Variants in GRID2 observed in about 807,000 individuals in gnomAD.
GRID2 encodes the protein glutamate receptor ionotropic, delta-2.
Under a neutral mutation model 114.8 loss-of-function variants are expected in GRID2, and 33 were observed. The observed-to-expected ratio is 0.29, with a 90% CI of 0.22 to 0.38. GRID2 has a LOEUF of 0.38. GRID2 is among the 10% of genes least tolerant of loss of function. The probability of loss-of-function intolerance (pLI) is 1.00; values close to 1 mark genes in which losing one functional copy is unlikely to be tolerated. For missense variants in GRID2, 1,184 were observed against 1,257.7 expected (o/e 0.94, Z 0.89); for synonymous variants, 505 against 449.9 (o/e 1.12, Z -1.55).
intron 8 of GRID2, among the ~76,000 whole-genome samples, chr4:93,344,991 G>A (rs898163592): frequency 6.7e-6 from 1 of 148,646 alleles, no homozygotes; most frequent in Non-Finnish European, 1.5e-5. Flanking sequence ...TCTAGTGTGT[G>A]TGTGTGTGTG....
At chr4:92,733,092 C>T (rs907911159) in intron 2 of GRID2, among the ~76,000 whole-genome samples, 1 of 152,020 alleles carries the variant, frequency 6.6e-6, no homozygotes, top group African/African-American at 2.4e-5. Flanking sequence ...GTCTTCCTCT[C>T]TCTCTCTCTC....
intron 14 of GRID2, among the ~76,000 whole-genome samples, chr4:93,728,766 T>C (rs1229084731): frequency 6.6e-6 from 1 of 152,124 alleles, no homozygotes; most frequent in Non-Finnish European, 1.5e-5. Flanking sequence ...CTTTTGATCT[T>C]TGTTGGTTTA....
intron 1 of GRID2, among the ~76,000 whole-genome samples, chr4:92,447,840 C>T (rs947257207): frequency 1.3e-5 from 2 of 152,164 alleles, no homozygotes; most frequent in Non-Finnish European, 2.9e-5. Flanking sequence ...GACCTAATAA[C>T]CTTCCAAAGG....
intron 14 of GRID2, among the ~76,000 whole-genome samples, chr4:93,731,952 T>A (rs1730518220): frequency 6.6e-6 from 1 of 152,182 alleles, no homozygotes; most frequent in East Asian, 1.9e-4. Context: ...CCAGCAAGGA[T>A]AGGATCTCTT....
intron 13 of GRID2, among the ~76,000 whole-genome samples, chr4:93,542,820 T>G (rs1185466425): frequency 1.3e-5 from 2 of 152,078 alleles, no homozygotes; most frequent in South Asian, 2.1e-4. Flanking sequence ...CCATTTTCCT[T>G]CTTCTGGTAA....
At chr4:92,676,402 G>A (rs1032949505) in intron 2 of GRID2, among the ~76,000 whole-genome samples, 1 of 151,626 alleles carries the variant, frequency 6.6e-6, no homozygotes, top group African/African-American at 2.4e-5. Context: ...GGATGGTCTC[G>A]ATCTTCTGAC....
At chr4:92,897,346 C>G (rs1747245372) in intron 2 of GRID2, among the ~76,000 whole-genome samples, 1 of 151,996 alleles carries the variant, frequency 6.6e-6, no homozygotes, top group African/African-American at 2.4e-5. Flanking sequence ...GATTTTAAGC[C>G]TGTGATTTTG....
chr4:93,140,404 T>C (rs980487018), intron 4 of GRID2, among the ~76,000 whole-genome samples: 2 of 152,118 alleles, frequency 1.3e-5, no homozygotes, highest in Non-Finnish European at 2.9e-5. Context: ...CTGATCCGCC[T>C]GCCTAGGCCT....
chr4:93,143,408 G>A (rs1735932991), intron 4 of GRID2, among the ~76,000 whole-genome samples: 1 of 152,114 alleles, frequency 6.6e-6, no homozygotes, highest in South Asian at 2.1e-4. Context: ...TGCCACTTAT[G>A]TTATCATCTT....
chr4:92,564,852 AT>A (rs1222188584), intron 1 of GRID2, among the ~76,000 whole-genome samples: 10 of 152,092 alleles, frequency 6.6e-5, no homozygotes, highest in Middle Eastern at 6.8e-3. Flanking sequence ...GGCCAAATAT[AT>A]TTTTTTCTTT....
intron 2 of GRID2, among the ~76,000 whole-genome samples, chr4:93,076,645 T>A: frequency 7.2e-6 from 1 of 138,986 alleles, no homozygotes; most frequent in African/African-American, 2.7e-5. Flanking sequence ...AATGACAGAG[T>A]CTCTCTCTGT....
At chr4:92,771,917 A>T (rs1258509299) in intron 2 of GRID2, among the ~76,000 whole-genome samples, 2 of 152,228 alleles carry the variant, frequency 1.3e-5, no homozygotes, top group Non-Finnish European at 2.9e-5. Context: ...TCCAAAAACC[A>T]CAAGGATCAG....
chr4:93,038,960 A>C (rs752855746), intron 2 of GRID2, among the ~76,000 whole-genome samples: 1 of 152,284 alleles, frequency 6.6e-6, no homozygotes, highest in African/African-American at 2.4e-5. Context: ...CAGCAATCCC[A>C]TTACTGGGTA....
At chr4:93,437,651 A>G (rs1721223711) in intron 10 of GRID2, among the ~76,000 whole-genome samples, 1 of 152,154 alleles carries the variant, frequency 6.6e-6, no homozygotes. Flanking sequence ...TTCCATAAAA[A>G]ATTAAAACTT....
At chr4:92,486,590 C>CAA (rs1326402857) in intron 1 of GRID2, among the ~76,000 whole-genome samples, 30 of 143,354 alleles carry the variant, frequency 2.1e-4, no homozygotes, top group Non-Finnish European at 4.3e-4. Context: ...CACACACACA[C>CAA]AAACACAGAT....
chr4:93,687,797 T>C (rs949856221), intron 14 of GRID2, among the ~76,000 whole-genome samples: 3 of 151,718 alleles, frequency 2.0e-5, no homozygotes, highest in Non-Finnish European at 2.9e-5. Flanking sequence ...TATAAAAGAA[T>C]AAAGAAATGG....
At chr4:92,907,921 G>T (rs915765542) in intron 2 of GRID2, among the ~76,000 whole-genome samples, 2 of 152,056 alleles carry the variant, frequency 1.3e-5, no homozygotes, top group African/African-American at 4.8e-5. Flanking sequence ...TACTCAGGAG[G>T]CTGAGGCAGG....
At chr4:92,728,928 C>A (rs1228345256) in intron 2 of GRID2, among the ~76,000 whole-genome samples, 1 of 151,930 alleles carries the variant, frequency 6.6e-6, no homozygotes, top group Non-Finnish European at 1.5e-5. Flanking sequence ...ACATAGAACT[C>A]TAGTTTATAT....
chr4:93,418,823 G>T (rs1767976117), intron 9 of GRID2, among the ~76,000 whole-genome samples: 1 of 151,888 alleles, frequency 6.6e-6, no homozygotes, highest in Non-Finnish European at 1.5e-5. Context: ...GTTTTTCTCT[G>T]TCAGGAATCT....
Sources: allele counts gnomAD v4.1 joint callset (sites outside exome capture counted in the v4.1 genomes callset), GRCh38; gene constraint gnomAD v4.1.1; transcripts MANE v1.5; gene names NCBI Gene and HGNC (gene_info 2026-07-23, HGNC 2026-07-21).